The following ZNF827 variants were observed in gnomAD, a reference collection of about 807,000 sequenced individuals.
The protein encoded by ZNF827 is zinc finger protein 827.
Under a neutral mutation model 102.4 loss-of-function variants are expected in ZNF827, and 13 were observed. That is an observed-to-expected ratio of 0.13 (90% CI 0.08 to 0.20). The LOEUF (loss-of-function observed/expected upper bound fraction) is 0.20. Ranked by LOEUF, ZNF827 falls within the 10% of genes least tolerant of loss-of-function variation. The pLI is 1.00. For synonymous variants in ZNF827, 523 were observed against 536.2 expected (o/e 0.98, Z 0.34); for missense variants, 1,103 against 1,344.4 (o/e 0.82, Z 2.81).
At chr4:145,776,724 C>T (rs1737172417) in intron 9 of ZNF827, among the ~76,000 whole-genome samples, 1 of 152,054 alleles carries the variant, frequency 6.6e-6, no homozygotes, top group African/African-American at 2.4e-5. Context: ...TCATCATTTT[C>T]CCTAAGCTCC....
chr4:145,820,698 C>T (rs147133036), intron 8 of ZNF827, among the ~76,000 whole-genome samples: 50 of 152,314 alleles, frequency 3.3e-4, no homozygotes, highest in Non-Finnish European at 5.7e-4. Flanking sequence ...CTCTTTTTCT[C>T]TCTAACTCAG....
At chr4:145,853,711 T>C (rs1206149229) in intron 5 of ZNF827, among the ~76,000 whole-genome samples, 1 of 152,202 alleles carries the variant, frequency 6.6e-6, no homozygotes, top group Non-Finnish European at 1.5e-5. Context: ...GGGTCTGTAA[T>C]CCCAGTACTT....
intron 7 of ZNF827, among the ~76,000 whole-genome samples, chr4:145,834,482 T>C (rs1470364278): frequency 1.3e-5 from 2 of 152,136 alleles, no homozygotes; most frequent in Non-Finnish European, 2.9e-5. Flanking sequence ...CCACCCTATA[T>C]AATCTTTTTA....
rs112386966 is a variant in ZNF827, at chr4:145,856,973, G to A, written c.1982-7412C>T. On this transcript the variant is annotated intron_variant, in intron 5 of 14. Coordinates refer to ENST00000508784, the MANE Select transcript of ZNF827 (RefSeq NM_001306215.2). ...TCCTCCTTCTTTCTCGCTCATGCGC[G>A]CGCACGCGCACGCACACACACACAC... 2.7e-3 allele frequency among the ~76,000 whole-genome samples: 326 copies of A among 119,902 alleles called. 4 individuals carry two copies. The highest frequency in any genetic ancestry group is 8.8e-3 in the African/African-American group (278 of 31,460). 78.7% of individuals were successfully genotyped at this position (119,902 alleles called of 152,430 possible). A position where few individuals can be genotyped will look rare whatever the true frequency, so the allele number is the denominator to read the frequency against.
At chr4:145,854,988 G>T (rs1746920669) in intron 5 of ZNF827, among the ~76,000 whole-genome samples, 1 of 152,208 alleles carries the variant, frequency 6.6e-6, no homozygotes, top group Non-Finnish European at 1.5e-5. Context: ...ACAGGGCATG[G>T]CGCGTTGAGC....
rs1350255827 is a variant in ZNF827, at chr4:145,902,768, T to C, written c.491A>G (p.Gln164Arg). 2 of 1,614,108 alleles carry C rather than the reference T, an allele frequency of 1.2e-6. No homozygotes were observed. Among genetic ancestry groups the C allele is most frequent in the South Asian group, 2.2e-5 (2 of 91,080 alleles). ...CTTCCTGGCCAGAACACTGAGCTGC[T>C]GGGCGTGGTGGGAAGGCGGGGAAAA... ...LSFSPPSHHA[Q>R]QLSVLARKLA... Residue 164 changes from glutamine to arginine, a missense_variant, in exon 2 of 15, where the codon CAG becomes CGG. By Grantham distance (43) the Gln-to-Arg change is conservative (BLOSUM62 1). Coordinates refer to ENST00000508784, the MANE Select transcript of ZNF827 (RefSeq NM_001306215.2). This position sits in a 1 kb window ranked among gnomAD's most constrained non-coding sequence, Gnocchi z 4.3.
At chr4:145,793,291 GAT>G (rs1330364718) in intron 8 of ZNF827, among the ~76,000 whole-genome samples, 5 of 4,232 alleles carry the variant, frequency 1.2e-3, no homozygotes, top group Non-Finnish European at 2.3e-3. Flanking sequence ...ATATATATAT[GAT>G]ATATATCTTA....
intron 1 of ZNF827, among the ~76,000 whole-genome samples, chr4:145,911,579 C>T (rs115807952): frequency 1.1e-4 from 17 of 152,174 alleles, no homozygotes; most frequent in Non-Finnish European, 1.6e-4. Flanking sequence ...TTAATCTGTA[C>T]GATATCAAAA....
intron 1 of ZNF827, among the ~76,000 whole-genome samples, chr4:145,905,763 T>C (rs1751809953): frequency 6.6e-6 from 1 of 152,236 alleles, no homozygotes; most frequent in Admixed American, 6.5e-5. Flanking sequence ...ATAGGAAGTA[T>C]CCTATAAATA....
chr4:145,773,004 G>A (rs1736521379), intron 11 of ZNF827, among the ~76,000 whole-genome samples: 1 of 152,178 alleles, frequency 6.6e-6, no homozygotes, highest in Admixed American at 6.5e-5. Flanking sequence ...ATGGTGGTAT[G>A]GGTGTGGAGG....
At chr4:145,894,617 A>AT (rs1750841480) in intron 2 of ZNF827, among the ~76,000 whole-genome samples, 1 of 152,220 alleles carries the variant, frequency 6.6e-6, no homozygotes, top group African/African-American at 2.4e-5. Flanking sequence ...TAGCTCAACC[A>AT]TGCAACTTGA....
At chr4:145,774,798 C>A in intron 10 of ZNF827, 126 bp from the exon 11 acceptor site, 2 of 1,120,588 alleles carry the variant, frequency 1.8e-6, no homozygotes, top group East Asian at 2.6e-5. Context: ...TGTCTCTCCA[C>A]CAAAAGGTTT....
intron 8 of ZNF827, among the ~76,000 whole-genome samples, chr4:145,786,483 T>C (rs146153349): frequency 6.6e-6 from 1 of 152,226 alleles, no homozygotes; most frequent in South Asian, 2.1e-4. Context: ...CATTGTGACA[T>C]ATGGTATTTT....
chr4:145,877,797 C>A (rs1255642174), intron 4 of ZNF827, among the ~76,000 whole-genome samples: 1 of 152,182 alleles, frequency 6.6e-6, no homozygotes, highest in Admixed American at 6.5e-5. Flanking sequence ...TTGCCATCTG[C>A]AGTAACCCAC....
intron 8 of ZNF827, among the ~76,000 whole-genome samples, chr4:145,804,791 C>T (rs1376395149): frequency 1.3e-5 from 2 of 152,126 alleles, no homozygotes; most frequent in African/African-American, 4.8e-5. Flanking sequence ...CAGTGCAAAT[C>T]CCTCCCTCTA....
chr4:145,812,429 G>A (rs983661490), intron 8 of ZNF827, among the ~76,000 whole-genome samples: 1 of 152,048 alleles, frequency 6.6e-6, no homozygotes, highest in South Asian at 2.1e-4. Flanking sequence ...TTGGCAATCA[G>A]CTCGGCATCT....
chr4:145,790,642 T>TG (rs1739548932), intron 8 of ZNF827, among the ~76,000 whole-genome samples: 1 of 152,194 alleles, frequency 6.6e-6, no homozygotes, highest in Admixed American at 6.5e-5. Flanking sequence ...GTATCCTCAA[T>TG]TATTCTAGTC....
chr4:145,796,268 TC>T (rs1365872910), intron 8 of ZNF827, among the ~76,000 whole-genome samples: 1 of 152,200 alleles, frequency 6.6e-6, no homozygotes, highest in Non-Finnish European at 1.5e-5. Flanking sequence ...GAATAATTGT[TC>T]CTAAAACAAA....
chr4:145,894,588 C>G (rs1239723267), intron 2 of ZNF827, among the ~76,000 whole-genome samples: 1 of 152,164 alleles, frequency 6.6e-6, no homozygotes, highest in Non-Finnish European at 1.5e-5. Context: ...TGCAGTTTTA[C>G]TAATACAGGT....
Sources: gnomAD v4.1 joint callset for allele counts (sites outside exome capture counted in the v4.1 genomes callset) on GRCh38, gnomAD v4.1.1 for gene constraint, Gnocchi (gnomAD v3.1) non-coding constraint, MANE v1.5 for transcripts, NCBI Gene and HGNC (gene_info 2026-07-23, HGNC 2026-07-21) for gene names.